NPAS3: variants seen among roughly 807,000 people sequenced by gnomAD.
NPAS3 encodes neuronal PAS domain-containing protein 3.
NPAS3 carries 14 observed loss-of-function variants against 73.1 expected under a neutral mutation model. That is an observed-to-expected ratio of 0.19 (90% CI 0.13 to 0.30). The LOEUF (loss-of-function observed/expected upper bound fraction) is 0.30. NPAS3 is among the 10% of genes least tolerant of loss of function. NPAS3 has a pLI of 1.00. For synonymous variants in NPAS3, 620 were observed against 541.5 expected (o/e 1.14, Z -2.01); for missense variants, 1,096 against 1,250.0 (o/e 0.88, Z 1.86).
At chr14:33,667,258 C>G (rs771690377) in intron 5 of NPAS3, among the ~76,000 whole-genome samples, 2 of 152,148 alleles carry the variant, frequency 1.3e-5, no homozygotes, top group Non-Finnish European at 2.9e-5. Context: ...CCATATGGGG[C>G]AGCATAGCTC....
chr14:33,696,613 T>C (rs922174846), intron 6 of NPAS3, among the ~76,000 whole-genome samples: 11 of 152,170 alleles, frequency 7.2e-5, no homozygotes, highest in African/African-American at 2.7e-4. Context: ...ACCATATCCA[T>C]AGCAGCTGCT....
chr14:33,584,928 A>G (rs1337436394), intron 5 of NPAS3, among the ~76,000 whole-genome samples: 4 of 152,202 alleles, frequency 2.6e-5, no homozygotes, highest in Non-Finnish European at 1.5e-5. Context: ...CCTTGGGTTG[A>G]TGTAACTTGA....
At chr14:33,751,135 T>C (rs1566498894) in intron 7 of NPAS3, among the ~76,000 whole-genome samples, 1 of 152,208 alleles carries the variant, frequency 6.6e-6, no homozygotes, top group Non-Finnish European at 1.5e-5. Flanking sequence ...GCTAGCCCCA[T>C]GGGCTAATCA....
intron 2 of NPAS3, among the ~76,000 whole-genome samples, chr14:33,091,545 G>A (rs1319376156): frequency 2.6e-5 from 4 of 152,078 alleles, no homozygotes; most frequent in Admixed American, 1.3e-4. Context: ...ATTCACAGCC[G>A]AATTCTACCA....
At chr14:33,708,075 AAGCAGCAGC>A (rs201354138) in intron 6 of NPAS3, among the ~76,000 whole-genome samples, 4 of 151,814 alleles carry the variant, frequency 2.6e-5, no homozygotes, top group Non-Finnish European at 4.4e-5. Flanking sequence ...AAACACAAAA[AAGCAGCAGC>A]AGCAGCAGCA....
At chr14:33,622,848 G>C (rs945935257) in intron 5 of NPAS3, among the ~76,000 whole-genome samples, 1 of 152,110 alleles carries the variant, frequency 6.6e-6, no homozygotes, top group Non-Finnish European at 1.5e-5. Context: ...TTCCCAATCA[G>C]TCAAGAATGC....
At chr14:33,768,461 A>T (rs927819187) in intron 7 of NPAS3, among the ~76,000 whole-genome samples, 1 of 152,180 alleles carries the variant, frequency 6.6e-6, no homozygotes, top group African/African-American at 2.4e-5. Context: ...TTCAAATATG[A>T]TCTATAAGAT....
At chr14:33,745,640 C>G (rs546858560) in intron 7 of NPAS3, among the ~76,000 whole-genome samples, 2 of 152,322 alleles carry the variant, frequency 1.3e-5, no homozygotes, top group East Asian at 3.9e-4. Context: ...TTAATTTCTA[C>G]ACCTCTGCAG....
At chr14:33,107,413 C>G (rs775637263) in intron 2 of NPAS3, among the ~76,000 whole-genome samples, 1 of 151,498 alleles carries the variant, frequency 6.6e-6, no homozygotes, top group African/African-American at 2.4e-5. Context: ...CTTCCTGTCT[C>G]CCCTGTCTAG....
intron 5 of NPAS3, among the ~76,000 whole-genome samples, chr14:33,628,518 C>G (rs1398092429): frequency 6.6e-6 from 1 of 152,226 alleles, no homozygotes; most frequent in East Asian, 1.9e-4. Context: ...TTTGAAAGAG[C>G]ATTTAGTTCA....
intron 4 of NPAS3, among the ~76,000 whole-genome samples, chr14:33,522,616 C>A (rs868655788): frequency 2.1e-4 from 32 of 152,140 alleles, no homozygotes; most frequent in Admixed American, 1.6e-3. Context: ...ATTTTTCGGA[C>A]AAAGACATTG....
At chr14:33,363,739 A>G (rs1373350477) in intron 3 of NPAS3, among the ~76,000 whole-genome samples, 1 of 152,190 alleles carries the variant, frequency 6.6e-6, no homozygotes, top group Non-Finnish European at 1.5e-5. Context: ...TTCAACATCA[A>G]ATAGGCATTT....
At chr14:33,245,343 CA>C (rs1194524873) in intron 3 of NPAS3, among the ~76,000 whole-genome samples, 1 of 152,096 alleles carries the variant, frequency 6.6e-6, no homozygotes, top group Admixed American at 6.5e-5. Context: ...ATCTAATCCT[CA>C]CAATACAGAA....
chr14:33,483,576 C>T (rs577586754), intron 4 of NPAS3, among the ~76,000 whole-genome samples: 1 of 152,188 alleles, frequency 6.6e-6, no homozygotes, highest in Non-Finnish European at 1.5e-5. Flanking sequence ...ATGCCCTTCA[C>T]ACAGCAGACA....
intron 2 of NPAS3, among the ~76,000 whole-genome samples, chr14:33,198,487 C>G (rs1183329586): frequency 6.6e-6 from 1 of 152,290 alleles, no homozygotes; most frequent in African/African-American, 2.4e-5. Context: ...TCTCCAAGTC[C>G]TCACCAGATT....
chr14:33,267,796 G>A (rs1282642671), intron 3 of NPAS3, among the ~76,000 whole-genome samples: 1 of 152,134 alleles, frequency 6.6e-6, no homozygotes, highest in Non-Finnish European at 1.5e-5. Context: ...TTTGAATCCA[G>A]CAAAACGTGG....
At position 33,358,527 on chromosome 14, in the gene NPAS3, C is replaced by T. The variant is rs573284479; in HGVS notation, c.386-8659C>T. Among the ~76,000 whole-genome samples, 13 of 152,258 alleles carry T rather than the reference C, an allele frequency of 8.5e-5. No individual in the cohort carries two copies. In the South Asian group the frequency reaches 1.4e-3, roughly 17 times the overall value. ...CCTGGCCATGATAGTGCACTGTTCA[C>T]GTAACTTCACTCCATACTCCGGTTC... On this transcript the variant is annotated intron_variant, in intron 3 of 11. Coordinates refer to ENST00000356141, the Ensembl canonical transcript of NPAS3.
chr14:33,676,277 C>G (rs1429250825), exon 6 of NPAS3: 21 of 1,613,546 alleles, frequency 1.3e-5, no homozygotes, highest in Non-Finnish European at 1.6e-5. Flanking sequence ...GATGGCTGAG[C>G]AGCTGGGCAT....
chr14:33,590,650 A>G (rs1209600614), intron 5 of NPAS3, among the ~76,000 whole-genome samples: 3 of 152,218 alleles, frequency 2.0e-5, no homozygotes, highest in African/African-American at 7.2e-5. Context: ...TCCCAGTTAC[A>G]TAAGACCTGA....
Sources: gnomAD v4.1 joint callset for allele counts (sites outside exome capture counted in the v4.1 genomes callset) on GRCh38, gnomAD v4.1.1 for gene constraint, MANE v1.5 for transcripts, NCBI Gene and HGNC (gene_info 2026-07-23, HGNC 2026-07-21) for gene names.